CDK19: variants seen among roughly 807,000 people sequenced by gnomAD.
The protein encoded by CDK19 is cyclin-dependent kinase 19.
Under a neutral mutation model 68.3 loss-of-function variants are expected in CDK19, and 20 were observed. The observed-to-expected ratio is 0.29, with a 90% CI of 0.21 to 0.43. The LOEUF (loss-of-function observed/expected upper bound fraction) is 0.43. Among genes scored for constraint, CDK19 ranks in the 20% least tolerant of loss-of-function variants. The pLI, the probability that CDK19 is intolerant of heterozygous loss-of-function variation, is 1.00. For missense variants in CDK19, 339 were observed against 623.5 expected, an observed-to-expected ratio of 0.54 and a Z score of 4.86; for synonymous variants, 221 against 222.8, an observed-to-expected ratio of 0.99 and a Z score of 0.07.
intron 2 of CDK19, among the ~76,000 whole-genome samples, chr6:110,723,615 G>T (rs1776106179): frequency 6.6e-6 from 1 of 152,122 alleles, no homozygotes; most frequent in Non-Finnish European, 1.5e-5. Flanking sequence ...ATTACATACG[G>T]ATTTTCTCTT....
chr6:110,787,836 TTTTG>T (rs931007377), intron 1 of CDK19, among the ~76,000 whole-genome samples: 10 of 152,180 alleles, frequency 6.6e-5, no homozygotes, highest in African/African-American at 7.2e-5. Flanking sequence ...TTTGCGGTTT[TTTTG>T]TTTGTTTGTT....
chr6:110,734,753 A>C (rs1454605959), intron 2 of CDK19, among the ~76,000 whole-genome samples: 3 of 152,078 alleles, frequency 2.0e-5, no homozygotes, highest in Non-Finnish European at 4.4e-5. Flanking sequence ...AGTCTTGATT[A>C]TACAGTGTTG....
At position 110,778,876 on chromosome 6, in the gene CDK19, C is replaced by T. The variant is rs1780601938; in HGVS notation, c.129-32675G>A. On this transcript the variant is annotated intron_variant, in intron 1 of 12. Coordinates refer to ENST00000368911, the MANE Select transcript of CDK19 (RefSeq NM_015076.5). The stretch of plus-strand genomic sequence containing the variant: ...TCTGTAGTTCAAATATGGTGGATGG[C>T]ACTCCAGCAGTCATTCTGGACAATA... Among the ~76,000 whole-genome samples the T allele has an allele frequency of 2.0e-5, 3 of 152,206 alleles. 1 individual carries two copies. The highest frequency in any genetic ancestry group is 6.5e-5 in the Admixed American group (1 of 15,290).
chr6:110,797,698 A>ATTGGCTCAAC (rs1782034469), intron 1 of CDK19, among the ~76,000 whole-genome samples: 1 of 152,186 alleles, frequency 6.6e-6, no homozygotes, highest in Non-Finnish European at 1.5e-5. Context: ...GTTGAAAAAT[A>ATTGGCTCAAC]TATAGGCAGG....
chr6:110,790,625 C>T (rs1781523052), intron 1 of CDK19, among the ~76,000 whole-genome samples: 1 of 141,976 alleles, frequency 7.0e-6, no homozygotes, highest in Non-Finnish European at 1.6e-5. Flanking sequence ...GAAATTGATC[C>T]ACAGATTCAC....
intron 2 of CDK19, among the ~76,000 whole-genome samples, chr6:110,693,909 T>C (rs1373654306): frequency 6.6e-6 from 1 of 152,082 alleles, no homozygotes; most frequent in African/African-American, 2.4e-5. Flanking sequence ...GGAGATAAAG[T>C]ATTTTTCAAA....
At chr6:110,623,252 C>CTGAGAA (rs1411854999) in intron 9 of CDK19, 38 bp downstream of exon 9, 4 of 1,548,040 alleles carry the variant, frequency 2.6e-6, no homozygotes, top group Non-Finnish European at 3.6e-6. Flanking sequence ...GAGATTTGTG[C>CTGAGAA]TGAGAATCAG....
chr6:110,730,246 G>A (rs1171056927), intron 2 of CDK19, among the ~76,000 whole-genome samples: 1 of 152,176 alleles, frequency 6.6e-6, no homozygotes, highest in African/African-American at 2.4e-5. Context: ...AGTAGCTATA[G>A]TGGCTATTTT....
intron 1 of CDK19, among the ~76,000 whole-genome samples, chr6:110,759,418 A>ATATATATATAT (rs1554219475): frequency 8.7e-6 from 1 of 114,718 alleles, no homozygotes; most frequent in African/African-American, 4.0e-5. Context: ...AAAAAAAAAA[A>ATATATATATAT]AAAAAAAAAA....
chr6:110,679,063 C>T (rs1431603499), intron 2 of CDK19, among the ~76,000 whole-genome samples: 1 of 152,122 alleles, frequency 6.6e-6, no homozygotes, highest in Non-Finnish European at 1.5e-5. Flanking sequence ...AATTCCAGCA[C>T]TTTGGGAGGC....
At chr6:110,652,006 G>A (rs1250658572) in intron 4 of CDK19, among the ~76,000 whole-genome samples, 2 of 151,956 alleles carry the variant, frequency 1.3e-5, no homozygotes, top group African/African-American at 4.8e-5. Flanking sequence ...CCCAGGACAT[G>A]GAGGTTGCAG....
intron 1 of CDK19, among the ~76,000 whole-genome samples, chr6:110,789,990 A>G (rs1781481909): frequency 6.6e-6 from 1 of 152,206 alleles, no homozygotes; most frequent in Admixed American, 6.5e-5. Flanking sequence ...ATCTTTATAA[A>G]TCCTGTTACA....
At chr6:110,800,242 A>G (rs1464667703) in intron 1 of CDK19, among the ~76,000 whole-genome samples, 1 of 152,206 alleles carries the variant, frequency 6.6e-6, no homozygotes. Flanking sequence ...CAATCTCTAA[A>G]GATTGAACCA....
At chr6:110,688,984 A>G (rs1041701233) in intron 2 of CDK19, among the ~76,000 whole-genome samples, 1 of 152,106 alleles carries the variant, frequency 6.6e-6, no homozygotes, top group Non-Finnish European at 1.5e-5. Context: ...GGCAGTTGCT[A>G]TCTCCAGGTA....
intron 4 of CDK19, among the ~76,000 whole-genome samples, chr6:110,648,733 T>G (rs897594782): frequency 6.6e-6 from 1 of 151,682 alleles, no homozygotes; most frequent in Non-Finnish European, 1.5e-5. Context: ...TTTGTTTTGT[T>G]TTGAGATGGA....
At chr6:110,629,757 G>A (rs1342753173) in intron 6 of CDK19, among the ~76,000 whole-genome samples, 1 of 152,154 alleles carries the variant, frequency 6.6e-6, no homozygotes, top group Non-Finnish European at 1.5e-5. Flanking sequence ...GAAGCCCTAA[G>A]ATAACTGATT....
At chr6:110,744,120 T>C (rs1777896006) in intron 2 of CDK19, among the ~76,000 whole-genome samples, 2 of 149,786 alleles carry the variant, frequency 1.3e-5, no homozygotes, top group South Asian at 4.3e-4. Flanking sequence ...AATTCTCCTG[T>C]CTCAGCCTCC....
At chr6:110,754,771 T>C (rs1415028862) in intron 1 of CDK19, among the ~76,000 whole-genome samples, 1 of 152,310 alleles carries the variant, frequency 6.6e-6, no homozygotes, top group Admixed American at 6.5e-5. Flanking sequence ...TCAGCCACCC[T>C]GCCTGGCCTA....
chr6:110,669,402 A>C (rs1347301243), intron 3 of CDK19, among the ~76,000 whole-genome samples: 1 of 152,122 alleles, frequency 6.6e-6, no homozygotes, highest in Non-Finnish European at 1.5e-5. Flanking sequence ...GCTTGAGCCC[A>C]GGAGGTCAAA....
Sources: gnomAD v4.1 joint callset for allele counts (sites outside exome capture counted in the v4.1 genomes callset) on GRCh38, gnomAD v4.1.1 for gene constraint, MANE v1.5 for transcripts, NCBI Gene and HGNC (gene_info 2026-07-23, HGNC 2026-07-21) for gene names.